Variants in PIEZO2 observed in about 807,000 individuals in gnomAD.
PIEZO2 encodes the protein piezo-type mechanosensitive ion channel component 2.
Under a neutral mutation model 337.3 loss-of-function variants are expected in PIEZO2, and 172 were observed. The ratio of observed to expected loss-of-function variants is 0.51; its 90% CI spans 0.45 to 0.58. The LOEUF is 0.58. Ranked by LOEUF, PIEZO2 falls within the 20% of genes least tolerant of loss-of-function variation. The pLI is 0.00. For missense variants in PIEZO2, 3,028 were observed against 3,391.3 expected (o/e 0.89, Z 2.66); for synonymous variants, 1,251 against 1,228.5 (o/e 1.02, Z -0.38).
At chr18:11,018,957 T>G (rs1225714690) in intron 2 of PIEZO2, among the ~76,000 whole-genome samples, 1 of 152,044 alleles carries the variant, frequency 6.6e-6, no homozygotes, top group Non-Finnish European at 1.5e-5. Context: ...CCATCACAGG[T>G]GTTTCGTGAG....
chr18:11,029,365 C>A (rs1470397982), intron 2 of PIEZO2, among the ~76,000 whole-genome samples: 1 of 152,286 alleles, frequency 6.6e-6, no homozygotes, highest in South Asian at 2.1e-4. Flanking sequence ...ATATCAAATT[C>A]ATCCGTAAGT....
At position 11,125,090 on chromosome 18, in the gene PIEZO2, A is replaced by G. The variant is rs2040145863; in HGVS notation, c.64+23435T>C. 6.6e-6 allele frequency among the ~76,000 whole-genome samples: 1 copy of G among 152,018 alleles called. No homozygotes were observed. Among genetic ancestry groups the G allele is most frequent in the Non-Finnish European group, 1.5e-5 (1 of 68,008 alleles). On this transcript the variant is annotated intron_variant, in intron 1 of 55. Transcript: ENST00000674853. The surrounding 1 kb of genome is among the most constrained non-coding windows in gnomAD (Gnocchi z 4.4). ...ACCTTTCCTCCTTTCATTTCTTCAC[A>G]TGTAAAATCTAGAGTCATACCCATT...
intron 2 of PIEZO2, among the ~76,000 whole-genome samples, chr18:11,010,478 C>G (rs964194619): frequency 6.6e-6 from 1 of 152,172 alleles, no homozygotes; most frequent in Admixed American, 6.5e-5. Flanking sequence ...AAACTCCACA[C>G]GGGTCCACAA....
chr18:11,009,380 A>G lies in PIEZO2; in HGVS notation c.161-29720T>C, dbSNP rs1318917171. On this transcript the variant is annotated intron_variant, in intron 2 of 55. Coordinates refer to ENST00000674853, the MANE Select transcript of PIEZO2 (RefSeq NM_001378183.1). This position sits in a 1 kb window ranked among gnomAD's most constrained non-coding sequence, Gnocchi z 4.6. ...ATTTTTCTGGGGTGGGGGCGAGATC[A>G]TGGGTACACTGTAAAAGCTCCCTCG... 1.3e-5 allele frequency among the ~76,000 whole-genome samples: 2 copies of G among 152,186 alleles called. No individual in the cohort carries two copies. The highest frequency in any genetic ancestry group is 3.9e-4 in the East Asian group (2 of 5,194).
intron 32 of PIEZO2, among the ~76,000 whole-genome samples, chr18:10,741,989 T>C (rs1004492254): frequency 1.4e-5 from 2 of 142,506 alleles, no homozygotes; most frequent in Non-Finnish European, 3.1e-5. Flanking sequence ...CTGTCTCTAC[T>C]AAAAATACAA....
intron 36 of PIEZO2, among the ~76,000 whole-genome samples, chr18:10,719,913 G>GA (rs1188748411): frequency 1.3e-5 from 2 of 151,984 alleles, no homozygotes; most frequent in South Asian, 4.2e-4. Flanking sequence ...AAAGTAAAAT[G>GA]AAAAAATCAG....
Position 10,821,159 on chromosome 18 carries a change from A to G in PIEZO2, c.918-13885T>C, listed in dbSNP as rs1334523766. Among the ~76,000 whole-genome samples, 1 of 152,086 alleles carries G rather than the reference A, an allele frequency of 6.6e-6. No individual in the cohort carries two copies. Among genetic ancestry groups the G allele is most frequent in the East Asian group, 1.9e-4 (1 of 5,182 alleles). On this transcript the variant is annotated intron_variant, in intron 7 of 55. Coordinates refer to ENST00000674853, the MANE Select transcript of PIEZO2 (RefSeq NM_001378183.1). The surrounding 1 kb of genome is among the most constrained non-coding windows in gnomAD (Gnocchi z 4.2). ...TCATCCTCTCCAAATTCCCATCTTC[A>G]GCTCAGCAAGACCACCATGCTCAGT... is the stretch of plus-strand genomic sequence containing the variant.
Position 11,112,286 on chromosome 18 carries a change from A to T in PIEZO2, c.64+36239T>A. 6.6e-6 allele frequency among the ~76,000 whole-genome samples: 1 copy of T among 152,224 alleles called. No homozygotes were observed. Among genetic ancestry groups the T allele is most frequent in the Admixed American group, 6.5e-5 (1 of 15,270 alleles). Reference sequence around the variant, plus strand: ...TACCAACTGAGGTTTTTTGTTTGGTATCAGGAAGGTCATTTGAGTTTAAAA... The same window carrying T: ...TACCAACTGAGGTTTTTTGTTTGGTTTCAGGAAGGTCATTTGAGTTTAAAA... On this transcript the variant is annotated intron_variant, in intron 1 of 55. Coordinates refer to ENST00000674853, the MANE Select transcript of PIEZO2 (RefSeq NM_001378183.1). The surrounding 1 kb of genome is among the most constrained non-coding windows in gnomAD (Gnocchi z 4.3).
intron 3 of PIEZO2, among the ~76,000 whole-genome samples, chr18:10,957,151 C>T (rs1008471267): frequency 2.0e-5 from 3 of 152,032 alleles, no homozygotes; most frequent in Non-Finnish European, 4.4e-5. Context: ...GTAATCCCAA[C>T]ACTTTGGGAG....
At chr18:11,090,505 T>A (rs1038588701) in intron 1 of PIEZO2, among the ~76,000 whole-genome samples, 2 of 152,144 alleles carry the variant, frequency 1.3e-5, no homozygotes, top group Non-Finnish European at 2.9e-5. Flanking sequence ...TGGAAACCTA[T>A]TTCCAACCTG....
chr18:11,043,369 T>A, intron 2 of PIEZO2, among the ~76,000 whole-genome samples: 1 of 152,168 alleles, frequency 6.6e-6, no homozygotes, highest in East Asian at 1.9e-4. Flanking sequence ...AAATGAATAA[T>A]TCAATATTTT....
intron 29 of PIEZO2, among the ~76,000 whole-genome samples, chr18:10,749,193 T>C (rs28620973): frequency 0.63 from 96,416 of 152,064 alleles, 32,718 homozygotes; most frequent in African/African-American, 0.89. Flanking sequence ...GGTGTGGTGG[T>C]TCATGCTTGT....
rs977334328 is a variant in PIEZO2, at chr18:10,952,818, T to C, written c.286+26717A>G. On this transcript the variant is annotated intron_variant, in intron 3 of 55. Coordinates refer to ENST00000674853, the MANE Select transcript of PIEZO2 (RefSeq NM_001378183.1). The surrounding 1 kb of genome is among the most constrained non-coding windows in gnomAD (Gnocchi z 4.1). ...ATTCCCGCCAGAAATGTATTTGAAT[T>C]CCAAGTGTTCTACATCTCCATATTT... is the stretch of plus-strand genomic sequence containing the variant. Among the ~76,000 whole-genome samples, 11 of 152,292 alleles carry C rather than the reference T, an allele frequency of 7.2e-5. No individual in the cohort carries two copies. In the Middle Eastern group the frequency reaches 0.01, roughly 141 times the overall value.
chr18:10,707,048 G>A lies in PIEZO2; in HGVS notation c.5588+1227C>T, dbSNP rs769176068. ...AGATTGGCCTGAGCTTTTGATGCCC[G>A]CTCAGGTGTTCAGAATCCCCAGGGC... On this transcript the variant is annotated intron_variant, in intron 40 of 55. Coordinates refer to ENST00000674853, the MANE Select transcript of PIEZO2 (RefSeq NM_001378183.1). The surrounding 1 kb of genome is among the most constrained non-coding windows in gnomAD (Gnocchi z 4.2). Among the ~76,000 whole-genome samples the A allele has an allele frequency of 3.3e-5, 5 of 152,146 alleles. No homozygotes were observed. The highest frequency in any genetic ancestry group is 5.9e-5 in the Non-Finnish European group (4 of 68,012).
rs2146100961 is a variant in PIEZO2 at position 11,102,777 on chromosome 18, T to G, written c.65-36555A>C. Among the ~76,000 whole-genome samples, 1 of 152,318 alleles carries G rather than the reference T, an allele frequency of 6.6e-6. No individual in the cohort carries two copies. Among genetic ancestry groups the G allele is most frequent in the Non-Finnish European group, 1.5e-5 (1 of 68,030 alleles). ...AGCCTCAATGTTGGGGTTCCTGGCC[T>G]TCTGGACAGTCTGCTTGGACAGGAC... is the stretch of plus-strand genomic sequence containing the variant. On this transcript the variant is annotated intron_variant, in intron 1 of 55. Transcript: ENST00000674853. This position sits in a 1 kb window ranked among gnomAD's most constrained non-coding sequence, Gnocchi z 5.7.
At chr18:10,978,648 T>G (rs2034541836) in intron 3 of PIEZO2, among the ~76,000 whole-genome samples, 1 of 152,218 alleles carries the variant, frequency 6.6e-6, no homozygotes, top group African/African-American at 2.4e-5. Flanking sequence ...CGAAGAATTT[T>G]GATTTCCTTT....
chr18:11,114,569 G>A (rs1167246332), intron 1 of PIEZO2, among the ~76,000 whole-genome samples: 1 of 152,128 alleles, frequency 6.6e-6, no homozygotes, highest in Non-Finnish European at 1.5e-5. Context: ...GGAGACTGAG[G>A]TAAGAGAATT....
intron 37 of PIEZO2, among the ~76,000 whole-genome samples, chr18:10,717,866 C>T (rs2036079420): frequency 6.6e-6 from 1 of 152,126 alleles, no homozygotes; most frequent in African/African-American, 2.4e-5. Flanking sequence ...AAAATAATTG[C>T]CAGTATTTTT....
Position 10,731,215 on chromosome 18 carries a change from A to C in PIEZO2, c.5029+192T>G, listed in dbSNP as rs866647931. 1.1e-3 allele frequency among the ~76,000 whole-genome samples: 144 copies of C among 128,696 alleles called. 2 individuals are homozygous for C. The highest frequency in any genetic ancestry group is 3.6e-3 in the African/African-American group (123 of 33,954). 84.4% of individuals were successfully genotyped at this position (128,696 alleles called of 152,430 possible). On this transcript the variant is annotated intron_variant, in intron 36 of 55. Coordinates refer to ENST00000674853, the MANE Select transcript of PIEZO2 (RefSeq NM_001378183.1). ...TATATATATATATATATATATATAT[A>C]TATCTCCTAACTTTGTGCTTTAATT...
Sources: allele counts gnomAD v4.1 joint callset (sites outside exome capture counted in the v4.1 genomes callset), GRCh38; gene constraint gnomAD v4.1.1; non-coding constraint Gnocchi (gnomAD v3.1); transcripts MANE v1.5; gene names NCBI Gene and HGNC (gene_info 2026-07-23, HGNC 2026-07-21).